NR2C2: variants seen among roughly 807,000 people sequenced by gnomAD.
NR2C2 encodes nuclear receptor subfamily 2 group C member 2.
Under a neutral mutation model 62.9 loss-of-function variants are expected in NR2C2, and 6 were observed. The ratio of observed to expected loss-of-function variants is 0.10; its 90% CI spans 0.05 to 0.19. NR2C2 has a LOEUF of 0.19. NR2C2 is among the 10% of genes least tolerant of loss of function. The pLI, the probability that NR2C2 is intolerant of heterozygous loss-of-function variation, is 1.00. For missense variants in NR2C2, 479 were observed against 762.7 expected, an observed-to-expected ratio of 0.63 and a Z score of 4.38; for synonymous variants, 272 against 273.8, an observed-to-expected ratio of 0.99 and a Z score of 0.07.
intron 1 of NR2C2, among the ~76,000 whole-genome samples, chr3:14,984,447 A>G (rs2040459518): frequency 6.6e-6 from 1 of 152,126 alleles, no homozygotes. Context: ...TAGGCTGTAT[A>G]TTGTCTTCTG....
intron 8 of NR2C2, 85 bp downstream of exon 8, chr3:15,028,804 CTGTGCTGT>C: frequency 7.0e-7 from 1 of 1,430,424 alleles, no homozygotes; most frequent in South Asian, 1.2e-5. Flanking sequence ...ATTTTGGTAC[CTGTGCTGT>C]ATTTAACTAA....
At chr3:15,030,598 C>A in intron 9 of NR2C2, 146 bp downstream of exon 9, 1 of 719,392 alleles carries the variant, frequency 1.4e-6, no homozygotes, top group Non-Finnish European at 2.1e-6. Flanking sequence ...GAGGCCAAGG[C>A]ACGTGGATCA....
chr3:14,987,026 T>C (rs2040532083), intron 1 of NR2C2, among the ~76,000 whole-genome samples: 1 of 152,196 alleles, frequency 6.6e-6, no homozygotes, highest in Non-Finnish European at 1.5e-5. Flanking sequence ...TATACCTCAT[T>C]TTACCAAGAA....
At chr3:15,028,554 C>T (rs777477630) in intron 7 of NR2C2, 32 bp from the exon 8 acceptor site, 3 of 1,597,900 alleles carry the variant, frequency 1.9e-6, no homozygotes, top group Non-Finnish European at 2.6e-6. Flanking sequence ...TATCTGTGTT[C>T]ATTTTTAATG....
intron 1 of NR2C2, among the ~76,000 whole-genome samples, chr3:14,998,866 G>A (rs950102898): frequency 1.3e-5 from 2 of 151,972 alleles, no homozygotes; most frequent in African/African-American, 4.8e-5. Flanking sequence ...TTAAAATTAG[G>A]TGGCGCACGC....
At chr3:14,951,433 CTT>C (rs1379927289) in intron 1 of NR2C2, among the ~76,000 whole-genome samples, 2 of 151,936 alleles carry the variant, frequency 1.3e-5, no homozygotes, top group East Asian at 3.8e-4. Context: ...TATTGTAAAA[CTT>C]TTAAAATAAG....
intron 10 of NR2C2, among the ~76,000 whole-genome samples, chr3:15,033,384 C>T (rs554076244): frequency 5.3e-5 from 8 of 152,156 alleles, no homozygotes; most frequent in Non-Finnish European, 1.0e-4. Flanking sequence ...GCTCTTAACC[C>T]AGTGCCTGGC....
At chr3:14,948,508 GGA>G (rs898616927) in intron 1 of NR2C2, 5 of 152,380 alleles carry the variant, frequency 3.3e-5, no homozygotes, top group South Asian at 2.0e-4. Flanking sequence ...TGGCTGAGGC[GGA>G]AGAGGGTGGT....
rs150717832 is a variant in NR2C2 at position 14,978,713 on chromosome 3, A to T, written c.-39-25163A>T. Among the ~76,000 whole-genome samples, 10 of 152,280 alleles carry T rather than the reference A, an allele frequency of 6.6e-5. No homozygotes were observed. In the East Asian group the frequency reaches 1.9e-3, roughly 29 times the overall value. ...GGGGGTTGGAGGTTCACTTTGCAAT[A>T]CCGATACTTTCACTTGGTTTACTTC... is the stretch of plus-strand genomic sequence containing the variant. On this transcript the variant is annotated intron_variant, in intron 1 of 13. Coordinates refer to ENST00000425241, the MANE Select transcript of NR2C2 (RefSeq NM_001291694.2).
At chr3:15,040,184 A>C (rs952453552) in intron 13 of NR2C2, among the ~76,000 whole-genome samples, 1 of 151,960 alleles carries the variant, frequency 6.6e-6, no homozygotes. Flanking sequence ...AAAACAACAA[A>C]AAAAAACCCT....
chr3:15,039,263 C>A, intron 13 of NR2C2, 36 bp downstream of exon 13: 1 of 1,409,506 alleles, frequency 7.1e-7, no homozygotes, highest in Non-Finnish European at 1.0e-6. Flanking sequence ...TTGCTTGGGG[C>A]TGCAAGGAGT....
chr3:15,028,815 TTAAC>T, intron 8 of NR2C2, 96 bp downstream of exon 8: 1 of 1,325,524 alleles, frequency 7.5e-7, no homozygotes, highest in Non-Finnish European at 1.0e-6. Flanking sequence ...TGTGCTGTAT[TTAAC>T]TAAGGATGAT....
At chr3:14,981,298 C>G (rs532392740) in intron 1 of NR2C2, among the ~76,000 whole-genome samples, 13 of 152,182 alleles carry the variant, frequency 8.5e-5, no homozygotes, top group East Asian at 7.7e-4. Context: ...GAAACCTTGT[C>G]TCTATGAAAA....
chr3:15,003,899 G>C lies in NR2C2; in HGVS notation c.-16G>C, dbSNP rs1329449919. On this transcript the variant is annotated 5_prime_UTR_variant, in exon 2 of 14. Coordinates refer to ENST00000425241, the MANE Select transcript of NR2C2 (RefSeq NM_001291694.2). Reference sequence around the variant, plus strand: ...AGGTAACACGTACACAGACCTCTCGGCCGGAATCTCCAGGGATGACCAGCC... The same window carrying C: ...AGGTAACACGTACACAGACCTCTCGCCCGGAATCTCCAGGGATGACCAGCC... 3 of 1,613,572 alleles carry C rather than the reference G, an allele frequency of 1.9e-6. No homozygotes were observed. Among genetic ancestry groups the C allele is most frequent in the Non-Finnish European group, 2.5e-6 (3 of 1,179,796 alleles).
chr3:14,971,058 A>G (rs1224738471), intron 1 of NR2C2, among the ~76,000 whole-genome samples: 1 of 152,236 alleles, frequency 6.6e-6, no homozygotes, highest in Non-Finnish European at 1.5e-5. Flanking sequence ...TGTTCTGAGC[A>G]TGTAAGATAG....
intron 8 of NR2C2, among the ~76,000 whole-genome samples, chr3:15,029,861 T>C (rs547817236): frequency 7.2e-6 from 1 of 139,402 alleles, no homozygotes; most frequent in East Asian, 2.1e-4. Context: ...ACCCCATCTC[T>C]GAAAGAGAGA....
At position 15,028,684 on chromosome 3, in the gene NR2C2, C is replaced by G. The variant is rs1409782978; in HGVS notation, c.897C>G (p.Ile299Met). 2 of 1,614,006 alleles carry G rather than the reference C, an allele frequency of 1.2e-6. No homozygotes were observed. Among genetic ancestry groups the G allele is most frequent in the African/African-American group, 1.3e-5 (1 of 74,936 alleles). ...TGAACAACGGTGACACTTCAGAAATCCAGCCAGAGGACCAGTCTGCAAGTG... is the reference window on the plus strand; with the variant it reads ...TGAACAACGGTGACACTTCAGAAATGCAGCCAGAGGACCAGTCTGCAAGTG... Reference protein sequence around the residue: ...ESLNNGDTSEIQPEDQSASEI... With the variant: ...ESLNNGDTSEMQPEDQSASEI... Residue 299 changes from isoleucine to methionine, a missense_variant, in exon 8 of 14, where the codon ATC becomes ATG. By Grantham distance (10) the Ile-to-Met change is conservative. Around this residue, in one of 4 missense-constraint regions of NR2C2, gnomAD observed 151 missense variants for 176.1 expected, o/e 0.86. Coordinates refer to ENST00000425241, the MANE Select transcript of NR2C2 (RefSeq NM_001291694.2).
intron 1 of NR2C2, among the ~76,000 whole-genome samples, chr3:14,963,651 TA>T (rs2039752980): frequency 6.6e-6 from 1 of 152,086 alleles, no homozygotes; most frequent in African/African-American, 2.4e-5. Context: ...TTTGTATTTT[TA>T]GTAGAGATGG....
chr3:14,984,850 A>G (rs1209090310), intron 1 of NR2C2, among the ~76,000 whole-genome samples: 1 of 151,308 alleles, frequency 6.6e-6, no homozygotes, highest in East Asian at 1.9e-4. Context: ...TTTTAAAGAG[A>G]CTGCCAAATT....
Sources: allele counts gnomAD v4.1 joint callset (sites outside exome capture counted in the v4.1 genomes callset), GRCh38; gene constraint gnomAD v4.1.1; regional missense constraint gnomAD v4.1.1; transcripts MANE v1.5; gene names NCBI Gene and HGNC (gene_info 2026-07-23, HGNC 2026-07-21).